Variants in EYA2 observed in about 807,000 individuals in gnomAD.
EYA2 encodes the protein EYA transcriptional coactivator and phosphatase 2.
In EYA2, 31 loss-of-function variants were observed where a neutral mutation model predicts 69.2. The ratio of observed to expected loss-of-function variants is 0.45; its 90% CI spans 0.34 to 0.60. The LOEUF (loss-of-function observed/expected upper bound fraction) is 0.60, where lower values mean the gene tolerates loss of function less well. Ranked by LOEUF, EYA2 falls within the 20% of genes least tolerant of loss-of-function variation. The pLI is 0.02. For synonymous variants in EYA2, 257 were observed against 279.4 expected (o/e 0.92, Z 0.80); for missense variants, 622 against 701.2 (o/e 0.89, Z 1.28).
At chr20:47,071,757 C>A in intron 5 of EYA2, 1 of 173,636 alleles carries the variant, frequency 5.8e-6, no homozygotes, top group Non-Finnish European at 1.2e-5. Context: ...AGGTTCCATC[C>A]CAGCCTGTCA....
At chr20:47,091,477 G>A (rs972351500) in intron 8 of EYA2, among the ~76,000 whole-genome samples, 10 of 150,934 alleles carry the variant, frequency 6.6e-5, no homozygotes, top group African/African-American at 9.8e-5. Context: ...AGTGGCTCAC[G>A]CCTATAACCT....
Position 47,151,370 on chromosome 20 carries a change from C to CAA in EYA2, c.978+8232_978+8233dup, listed in dbSNP as rs11481571. Among the ~76,000 whole-genome samples the CAA allele has an allele frequency of 2.3e-3, 326 of 143,194 alleles. 2 individuals carry two copies. The highest frequency in any genetic ancestry group is 7.9e-3 in the African/African-American group (312 of 39,368). 93.9% of individuals were successfully genotyped at this position (143,194 alleles called of 152,430 possible). ...TGGGCAACAGAGCGAGACTCCATCT[C>CAA]AAAAAAAAAAAGCTCTTCAGTGAGC... On this transcript the variant is annotated intron_variant, in intron 10 of 15. Transcript: ENST00000327619.
chr20:47,177,667 A>C (rs1053369175), intron 12 of EYA2, among the ~76,000 whole-genome samples: 1 of 152,242 alleles, frequency 6.6e-6, no homozygotes, highest in African/African-American at 2.4e-5. Flanking sequence ...CATAAGGCCC[A>C]GTTTGGACAC....
intron 1 of EYA2, 119 bp downstream of exon 1, chr20:46,895,106 T>G (rs923387727): frequency 4.8e-4 from 73 of 152,286 alleles, no homozygotes; most frequent in African/African-American, 1.7e-3. Flanking sequence ...AAGCGGGGCC[T>G]CCGCAGCTGT....
At chr20:47,154,551 T>C (rs966958847) in intron 10 of EYA2, among the ~76,000 whole-genome samples, 3 of 151,960 alleles carry the variant, frequency 2.0e-5, no homozygotes, top group African/African-American at 7.2e-5. Flanking sequence ...TTACCCATGG[T>C]GCTGTGTTGC....
At chr20:46,955,138 A>ATT (rs34188905) in intron 1 of EYA2, among the ~76,000 whole-genome samples, 59 of 139,524 alleles carry the variant, frequency 4.2e-4, no homozygotes, top group Middle Eastern at 3.7e-3. Flanking sequence ...TCATGCAGTC[A>ATT]TTTTTTTTTT....
chr20:46,929,108 G>A (rs1456314491), intron 1 of EYA2, among the ~76,000 whole-genome samples: 1 of 150,190 alleles, frequency 6.7e-6, no homozygotes, highest in Non-Finnish European at 1.5e-5. Flanking sequence ...ACGGTGGGGT[G>A]GGAGAGCCCT....
At chr20:47,160,258 C>A (rs1053776229) in intron 10 of EYA2, among the ~76,000 whole-genome samples, 1 of 152,112 alleles carries the variant, frequency 6.6e-6, no homozygotes, top group Admixed American at 6.6e-5. Flanking sequence ...TGTAAAGGAC[C>A]AGATAGTAAA....
At chr20:47,129,565 A>C (rs981830834) in intron 9 of EYA2, among the ~76,000 whole-genome samples, 6 of 152,208 alleles carry the variant, frequency 3.9e-5, no homozygotes, top group African/African-American at 1.4e-4. Context: ...CGGTGGCTTT[A>C]CTCAGAGGGC....
intron 7 of EYA2, among the ~76,000 whole-genome samples, chr20:47,083,384 C>G (rs2031787206): frequency 6.6e-6 from 1 of 151,994 alleles, no homozygotes; most frequent in Non-Finnish European, 1.5e-5. Flanking sequence ...CAAGATCAGC[C>G]TGGCCAACAT....
intron 1 of EYA2, among the ~76,000 whole-genome samples, chr20:46,954,414 G>A (rs1399619098): frequency 2.0e-5 from 3 of 152,210 alleles, no homozygotes; most frequent in African/African-American, 4.8e-5. Flanking sequence ...GTAAATTTAG[G>A]AGCTTACAGT....
intron 1 of EYA2, among the ~76,000 whole-genome samples, chr20:46,989,393 G>A (rs1442252701): frequency 6.6e-6 from 1 of 152,164 alleles, no homozygotes; most frequent in East Asian, 1.9e-4. Flanking sequence ...AGCCTCCCGA[G>A]TAGCTGGGAC....
chr20:47,172,646 C>T, intron 11 of EYA2, 61 bp from the exon 12 acceptor site: 5 of 1,521,088 alleles, frequency 3.3e-6, no homozygotes, highest in Non-Finnish European at 2.7e-6. Context: ...CTGTGGTCTC[C>T]CAGGGAAGAT....
chr20:46,965,069 G>A (rs963502004), intron 1 of EYA2, among the ~76,000 whole-genome samples: 2 of 152,272 alleles, frequency 1.3e-5, no homozygotes, highest in Admixed American at 6.5e-5. Flanking sequence ...GAACTGCCAG[G>A]GTTCGAATCC....
chr20:47,139,292 A>G lies in EYA2; in HGVS notation c.889-3767A>G, dbSNP rs577299927. Among the ~76,000 whole-genome samples the G allele has an allele frequency of 1.3e-4, 20 of 152,360 alleles. No individual in the cohort carries two copies. In the East Asian group the frequency reaches 3.7e-3, roughly 28 times the overall value. Reference sequence around the variant, plus strand: ...TTGTTAATCCAAGAAATATATGCCTATAGTTTAATATTCATAGTTCTACAA... The same window carrying G: ...TTGTTAATCCAAGAAATATATGCCTGTAGTTTAATATTCATAGTTCTACAA... On this transcript the variant is annotated intron_variant, in intron 9 of 15. Coordinates refer to ENST00000327619, the MANE Select transcript of EYA2 (RefSeq NM_005244.5).
rs959805431 is a variant in EYA2 at position 47,142,995 on chromosome 20, A to C, written c.889-64A>C. On this transcript the variant is annotated intron_variant, in intron 9 of 15. Transcript: ENST00000327619. ...TGCTTTTCGGCAGTGGAATGGGACC[A>C]AAAGGGTAGCTAAGATTCCTCAGGC... The C allele has an allele frequency of 8.0e-6, 12 of 1,501,940 alleles. No homozygotes were observed. In the Admixed American group the frequency reaches 1.3e-4, roughly 16 times the overall value. The allele number at this position is 1,501,940 out of a possible 1,614,324, so 93.0% of individuals were successfully genotyped here.
chr20:47,065,545 T>TG (rs2031077803), intron 5 of EYA2, among the ~76,000 whole-genome samples: 1 of 151,950 alleles, frequency 6.6e-6, no homozygotes, highest in South Asian at 2.1e-4. Flanking sequence ...GTGGCAATAA[T>TG]GAAAAAAAGG....
chr20:47,050,053 G>A (rs2030249014), intron 5 of EYA2, among the ~76,000 whole-genome samples: 1 of 152,128 alleles, frequency 6.6e-6, no homozygotes, highest in African/African-American at 2.4e-5. Context: ...TCTTTCCAGG[G>A]GCTGCACGAT....
intron 9 of EYA2, 114 bp from the exon 10 acceptor site, chr20:47,142,945 C>CT: frequency 4.1e-6 from 3 of 732,560 alleles, no homozygotes; most frequent in Non-Finnish European, 6.6e-6. Flanking sequence ...ACGCGTGAGC[C>CT]GAGCAGATGA....
Sources: allele counts gnomAD v4.1 joint callset (sites outside exome capture counted in the v4.1 genomes callset), GRCh38; gene constraint gnomAD v4.1.1; transcripts MANE v1.5; gene names NCBI Gene and HGNC (gene_info 2026-07-23, HGNC 2026-07-21).